The following PCDH7 variants were observed in gnomAD, a reference collection of about 807,000 sequenced individuals.
The protein encoded by PCDH7 is protocadherin-7.
In PCDH7, 17 loss-of-function variants were observed where a neutral mutation model predicts 58.9. The observed-to-expected ratio is 0.29, with a 90% CI of 0.20 to 0.43. The LOEUF (loss-of-function observed/expected upper bound fraction) is 0.43. PCDH7 is among the 20% of genes least tolerant of loss of function. PCDH7 has a pLI of 1.00. For missense variants in PCDH7, 1,274 were observed against 1,441.0 expected (o/e 0.88, Z 1.88); for synonymous variants, 664 against 616.4 (o/e 1.08, Z -1.14).
chr4:30,852,218 A>C (rs1307812437), intron 1 of PCDH7, among the ~76,000 whole-genome samples: 4 of 152,134 alleles, frequency 2.6e-5, no homozygotes, highest in Non-Finnish European at 5.9e-5. Flanking sequence ...ATAGAATATC[A>C]TGCTGAAGCA....
intron 3 of PCDH7, among the ~76,000 whole-genome samples, chr4:31,067,095 T>C (rs61794085): frequency 0.039 from 5,926 of 151,882 alleles, 398 homozygotes; most frequent in East Asian, 0.33. Context: ...ATCTAGAAAA[T>C]AAAAGGCTTG....
downstream of PCDH7, chr4:30,733,101 G>A (rs1283569115): frequency 2.0e-5 from 3 of 152,282 alleles, no homozygotes; most frequent in Admixed American, 2.0e-4. Flanking sequence ...CTCTAGGTCA[G>A]TGAGTCTCCT....
chr4:30,944,678 T>C (rs1322836213), intron 2 of PCDH7, among the ~76,000 whole-genome samples: 1 of 152,188 alleles, frequency 6.6e-6, no homozygotes, highest in Non-Finnish European at 1.5e-5. Context: ...CAAACAACTG[T>C]AAGTCAGGAA....
chr4:30,904,297 T>C (rs542120296), intron 1 of PCDH7, among the ~76,000 whole-genome samples: 2 of 152,296 alleles, frequency 1.3e-5, no homozygotes, highest in African/African-American at 4.8e-5. Flanking sequence ...GGCAAATCAA[T>C]GTTTGTTATG....
chr4:30,852,235 A>G (rs1732856382), intron 1 of PCDH7, among the ~76,000 whole-genome samples: 1 of 152,116 alleles, frequency 6.6e-6, no homozygotes, highest in Non-Finnish European at 1.5e-5. Flanking sequence ...AGCACTAGTT[A>G]CCAAGCTACA....
intron 1 of PCDH7, among the ~76,000 whole-genome samples, chr4:30,760,530 A>G (rs894296483): frequency 4.6e-5 from 7 of 152,124 alleles, no homozygotes; most frequent in Admixed American, 1.3e-4. Context: ...CAGAAATCAC[A>G]TGCATTCCTA....
At chr4:30,988,983 G>C (rs1341165220) in intron 3 of PCDH7, among the ~76,000 whole-genome samples, 1 of 152,120 alleles carries the variant, frequency 6.6e-6, no homozygotes, top group African/African-American at 2.4e-5. Flanking sequence ...TCATCAAAAA[G>C]TCCTCACCTT....
chr4:31,084,263 C>T (rs148214602), intron 3 of PCDH7, among the ~76,000 whole-genome samples: 9 of 152,006 alleles, frequency 5.9e-5, no homozygotes, highest in Non-Finnish European at 1.0e-4. Context: ...AATGAATATA[C>T]GGACAGATTG....
chr4:30,907,508 A>G (rs1334055914), intron 1 of PCDH7, among the ~76,000 whole-genome samples: 2 of 152,250 alleles, frequency 1.3e-5, no homozygotes, highest in Non-Finnish European at 2.9e-5. Flanking sequence ...AATGCTTATC[A>G]TCACTGGTCA....
At chr4:30,800,475 A>G (rs1473258572) in intron 1 of PCDH7, among the ~76,000 whole-genome samples, 1 of 152,192 alleles carries the variant, frequency 6.6e-6, no homozygotes, top group African/African-American at 2.4e-5. Flanking sequence ...TTTAGCCCAG[A>G]CACTGTGCTT....
At chr4:31,041,991 A>G (rs1755904550) in intron 3 of PCDH7, among the ~76,000 whole-genome samples, 1 of 152,160 alleles carries the variant, frequency 6.6e-6, no homozygotes, top group Non-Finnish European at 1.5e-5. Flanking sequence ...AAAGCTAATC[A>G]AAAAGGTAAT....
At chr4:31,004,882 A>G (rs1331249130) in intron 3 of PCDH7, among the ~76,000 whole-genome samples, 1 of 152,194 alleles carries the variant, frequency 6.6e-6, no homozygotes, top group African/African-American at 2.4e-5. Context: ...AGTGACAACG[A>G]CAATCAAACC....
chr4:30,992,080 C>T (rs904110708), intron 3 of PCDH7, among the ~76,000 whole-genome samples: 1 of 152,012 alleles, frequency 6.6e-6, no homozygotes, highest in Non-Finnish European at 1.5e-5. Context: ...GCCTCAGTTT[C>T]CTTATCAAAA....
intron 3 of PCDH7, among the ~76,000 whole-genome samples, chr4:31,085,811 A>G (rs1322345754): frequency 6.6e-6 from 1 of 151,842 alleles, no homozygotes; most frequent in Non-Finnish European, 1.5e-5. Flanking sequence ...ATATATTGTG[A>G]CATCCTACAT....
rs113596260 is a variant in PCDH7 at position 30,752,056 on chromosome 4, T to C, written c.70+27460T>C. On this transcript the variant is annotated intron_variant, in intron 1 of 3. Coordinates refer to the PCDH7 transcript ENST00000509759. Reference sequence around the variant, plus strand: ...GCATGATTGTCATTGAAAAAGAATATGTCTAGGTAGTTCCTATCTTTCCAC... The same window carrying C: ...GCATGATTGTCATTGAAAAAGAATACGTCTAGGTAGTTCCTATCTTTCCAC... Among the ~76,000 whole-genome samples, 19 of 152,282 alleles carry C rather than the reference T, an allele frequency of 1.2e-4. 1 individual carries two copies. The highest frequency in any genetic ancestry group is 3.8e-4 in the African/African-American group (16 of 41,578).
At chr4:30,827,419 C>T (rs1253244069) in intron 1 of PCDH7, among the ~76,000 whole-genome samples, 2 of 152,012 alleles carry the variant, frequency 1.3e-5, no homozygotes, top group Admixed American at 1.3e-4. Context: ...ATTTGTTTTT[C>T]AAAAAATACC....
At chr4:30,863,723 CT>C (rs1734505752) in intron 1 of PCDH7, among the ~76,000 whole-genome samples, 2 of 152,056 alleles carry the variant, frequency 1.3e-5, no homozygotes, top group African/African-American at 4.8e-5. Context: ...ATTATTTAAA[CT>C]TTTGTATTGA....
chr4:30,998,837 A>G (rs1168814119), intron 3 of PCDH7, among the ~76,000 whole-genome samples: 1 of 152,080 alleles, frequency 6.6e-6, no homozygotes, highest in Non-Finnish European at 1.5e-5. Context: ...ATGAAAGAAG[A>G]GTTAGGTTAG....
At chr4:30,755,097 G>A (rs1406861604) in intron 1 of PCDH7, among the ~76,000 whole-genome samples, 1 of 152,118 alleles carries the variant, frequency 6.6e-6, no homozygotes, top group East Asian at 1.9e-4. Flanking sequence ...GGAACCTAGG[G>A]CTAGCTGACT....
Sources: gnomAD v4.1 joint callset for allele counts (sites outside exome capture counted in the v4.1 genomes callset) on GRCh38, gnomAD v4.1.1 for gene constraint, MANE v1.5 for transcripts, NCBI Gene and HGNC (gene_info 2026-07-23, HGNC 2026-07-21) for gene names.